The following TAF4 variants were observed in gnomAD, a reference collection of about 807,000 sequenced individuals.
TAF4 encodes TATA-box binding protein associated factor 4, also known as transcription initiation factor TFIID subunit 4.
A neutral mutation model predicts 90.3 loss-of-function variants in TAF4; 9 were observed. That is an observed-to-expected ratio of 0.10 (90% CI 0.06 to 0.17). TAF4 has a LOEUF of 0.17. Ranked by LOEUF, TAF4 falls within the 10% of genes least tolerant of loss-of-function variation. The pLI is 1.00. For synonymous variants in TAF4, 818 were observed against 638.9 expected (o/e 1.28, Z -4.23); for missense variants, 1,351 against 1,370.7 (o/e 0.99, Z 0.23).
chr20:62,061,133 A>G (rs2056086705), intron 1 of TAF4, among the ~76,000 whole-genome samples: 1 of 152,260 alleles, frequency 6.6e-6, no homozygotes, highest in Non-Finnish European at 1.5e-5. Flanking sequence ...CTTGTGCCAG[A>G]GCACTGGCTG....
chr20:62,015,762 G>A (rs184336260), intron 1 of TAF4, among the ~76,000 whole-genome samples: 7 of 152,314 alleles, frequency 4.6e-5, no homozygotes, highest in African/African-American at 1.7e-4. Flanking sequence ...GATGACAAAT[G>A]AGCGTGGGGC....
intron 14 of TAF4, among the ~76,000 whole-genome samples, chr20:61,981,763 G>A (rs375727178): frequency 0.021 from 3,068 of 147,106 alleles, 115 homozygotes; most frequent in African/African-American, 0.074. Context: ...CACCCCACCC[G>A]AGAGGAGACA....
chr20:61,982,121 G>A (rs1466981985), intron 14 of TAF4, among the ~76,000 whole-genome samples: 36 of 106,386 alleles, frequency 3.4e-4, no homozygotes, highest in South Asian at 1.1e-3. Context: ...CCGGAGAGGA[G>A]ACATCAAACC....
Position 62,003,856 on chromosome 20 carries a change from G to A in TAF4, c.2246C>T (p.Pro749Leu), listed in dbSNP as rs201576015. 1 of 1,580,030 alleles carries A rather than the reference G, an allele frequency of 6.3e-7. No homozygotes were observed. Among genetic ancestry groups the A allele is most frequent in the South Asian group, 1.1e-5 (1 of 87,630 alleles). ...CTGCGGGGGCCGGATCAGGGCTCCT[G>A]GCTTCGGAGGCTGCTGGATGACCTG... ...TPLVIQQPPK[P>L]GALIRPPQVT... The change falls in exon 8 of 15, where the codon CCA becomes CTA. Residue 749 changes from proline (P) to leucine (L), a missense_variant. Physicochemically the swap from Pro to Leu is moderately conservative, Grantham distance 98. Coordinates refer to ENST00000252996, the MANE Select transcript of TAF4 (RefSeq NM_003185.4).
intron 1 of TAF4, among the ~76,000 whole-genome samples, chr20:62,046,508 G>A (rs1395763668): frequency 6.6e-6 from 1 of 152,186 alleles, no homozygotes; most frequent in Non-Finnish European, 1.5e-5. Flanking sequence ...TAGATTCACT[G>A]TATTGCTGCA....
Position 62,064,596 on chromosome 20 carries a change from G to C in TAF4, c.1215C>G (p.Ala405=). 4 of 1,468,974 alleles carry C rather than the reference G, an allele frequency of 2.7e-6. No homozygotes were observed. The highest frequency in any genetic ancestry group is 2.0e-4 in the Middle Eastern group (1 of 4,894). The allele number at this position is 1,468,974 out of a possible 1,614,324, so 91.0% of individuals were successfully genotyped here. ...GGGACAGGCTCTGGGTCACTGCGCCGGCCGCGCCTTTGGGCAGCCCGGTGG... is the reference window on the plus strand; with the variant it reads ...GGGACAGGCTCTGGGTCACTGCGCCCGCCGCGCCTTTGGGCAGCCCGGTGG... ...GTPTGLPKGA[A]GAVTQSLSRT... The change falls in exon 1 of 15, where the codon GCC becomes GCG. Residue 405 remains alanine (A), a synonymous_variant. Transcript: ENST00000252996.
chr20:62,053,524 G>C (rs567954174), intron 1 of TAF4, among the ~76,000 whole-genome samples: 1 of 152,216 alleles, frequency 6.6e-6, no homozygotes, highest in East Asian at 1.9e-4. Flanking sequence ...AGGGAGCCAC[G>C]AGCGACGTTT....
At chr20:62,053,116 G>A (rs1002425892) in intron 1 of TAF4, among the ~76,000 whole-genome samples, 3 of 152,100 alleles carry the variant, frequency 2.0e-5, no homozygotes, top group Non-Finnish European at 4.4e-5. Flanking sequence ...CCCAGCCTTC[G>A]GGCCCAGGCA....
intron 3 of TAF4, 88 bp downstream of exon 3, chr20:62,012,727 A>G: frequency 1.5e-6 from 2 of 1,354,426 alleles, no homozygotes; most frequent in South Asian, 2.1e-5. Flanking sequence ...AAAAAAAAAA[A>G]AAAACTCCTA....
At chr20:62,032,551 G>A (rs988723882) in intron 1 of TAF4, among the ~76,000 whole-genome samples, 5 of 152,168 alleles carry the variant, frequency 3.3e-5, no homozygotes, top group Admixed American at 1.3e-4. Flanking sequence ...CCAGGGCCTC[G>A]GCTCTCAGCA....
chr20:62,032,104 T>C (rs2055907663), intron 1 of TAF4, among the ~76,000 whole-genome samples: 1 of 152,190 alleles, frequency 6.6e-6, no homozygotes, highest in Admixed American at 6.5e-5. Flanking sequence ...TGTTAAGACT[T>C]CACATATTTG....
chr20:62,007,262 G>A (rs571475960), intron 6 of TAF4, among the ~76,000 whole-genome samples: 1 of 152,282 alleles, frequency 6.6e-6, no homozygotes, highest in African/African-American at 2.4e-5. Context: ...TTTTGCAAAC[G>A]CTACCCCATT....
intron 4 of TAF4, 91 bp from the exon 5 acceptor site, chr20:62,009,265 A>C (rs769386094): frequency 4.9e-5 from 62 of 1,263,134 alleles, no homozygotes; most frequent in Non-Finnish European, 6.5e-5. Context: ...TATGTACAAA[A>C]GATACATATA....
chr20:62,063,632 T>C (rs2056102903), intron 1 of TAF4, among the ~76,000 whole-genome samples: 1 of 151,762 alleles, frequency 6.6e-6, no homozygotes, highest in Non-Finnish European at 1.5e-5. Context: ...CCGAGACCCC[T>C]GCACGGAGCG....
chr20:61,985,381 C>A (rs1316177393), intron 14 of TAF4, among the ~76,000 whole-genome samples: 1 of 151,648 alleles, frequency 6.6e-6, no homozygotes. Context: ...GAGCCTCAGG[C>A]CAGCCCAGGA....
chr20:62,053,786 C>T (rs144417584), intron 1 of TAF4, among the ~76,000 whole-genome samples: 294 of 152,380 alleles, frequency 1.9e-3, no homozygotes, highest in African/African-American at 6.9e-3. Context: ...ACCCAGCACT[C>T]TGTGCAGACA....
intron 14 of TAF4, among the ~76,000 whole-genome samples, chr20:61,988,817 A>G (rs1182086580): frequency 6.6e-6 from 1 of 151,904 alleles, no homozygotes; most frequent in South Asian, 2.1e-4. Flanking sequence ...TACTCCACGT[A>G]CCTCCCAGCC....
intron 14 of TAF4, among the ~76,000 whole-genome samples, chr20:61,992,881 G>A (rs2055640190): frequency 6.6e-6 from 1 of 152,126 alleles, no homozygotes; most frequent in South Asian, 2.1e-4. Flanking sequence ...GGCACAGTCT[G>A]AACTGCAACC....
At chr20:62,047,765 GAA>G (rs1309982977) in intron 1 of TAF4, among the ~76,000 whole-genome samples, 1 of 152,264 alleles carries the variant, frequency 6.6e-6, no homozygotes, top group Admixed American at 6.5e-5. Flanking sequence ...TTCGCCATGA[GAA>G]GAGTCGCCCC....
Sources: allele counts gnomAD v4.1 joint callset (sites outside exome capture counted in the v4.1 genomes callset), GRCh38; gene constraint gnomAD v4.1.1; transcripts MANE v1.5; gene names NCBI Gene and HGNC (gene_info 2026-07-23, HGNC 2026-07-21).